The following NSMCE2 variants were observed in gnomAD, a reference collection of about 807,000 sequenced individuals.
The protein encoded by NSMCE2 is NSE2 SUMO ligase component of SMC5/6 complex.
A neutral mutation model predicts 23.8 loss-of-function variants in NSMCE2; 24 were observed. The observed-to-expected ratio is 1.01, with a 90% CI of 0.73 to 1.42. The LOEUF is 1.42. Ranked by LOEUF, NSMCE2 falls within the 40% of genes most tolerant of loss-of-function variation. NSMCE2 has a pLI of 0.00. For synonymous variants in NSMCE2, 92 were observed against 94.1 expected (o/e 0.98, Z 0.13); for missense variants, 284 against 296.5 (o/e 0.96, Z 0.31).
At chr8:125,262,381 G>A (rs543138452) in intron 5 of NSMCE2, among the ~76,000 whole-genome samples, 18 of 151,440 alleles carry the variant, frequency 1.2e-4, no homozygotes, top group African/African-American at 3.9e-4. Context: ...CAGAGATCGC[G>A]CCACTGCATT....
intron 5 of NSMCE2, among the ~76,000 whole-genome samples, chr8:125,301,215 G>A (rs1828549879): frequency 6.6e-6 from 1 of 152,168 alleles, no homozygotes; most frequent in South Asian, 2.1e-4. Context: ...GGTGGGAAAG[G>A]GGGCCTGAGG....
intron 4 of NSMCE2, among the ~76,000 whole-genome samples, chr8:125,160,326 T>A (rs1456561374): frequency 6.6e-6 from 1 of 152,160 alleles, no homozygotes; most frequent in Non-Finnish European, 1.5e-5. Flanking sequence ...CTGGACCAAA[T>A]TCAAATACTG....
chr8:125,184,999 A>G (rs1586580014), intron 5 of NSMCE2, among the ~76,000 whole-genome samples: 1 of 152,240 alleles, frequency 6.6e-6, no homozygotes, highest in African/African-American at 2.4e-5. Context: ...TTTATGGTCT[A>G]CATAGATCCA....
chr8:125,203,408 A>G (rs1277904748), intron 5 of NSMCE2, among the ~76,000 whole-genome samples: 1 of 152,214 alleles, frequency 6.6e-6, no homozygotes, highest in South Asian at 2.1e-4. Context: ...TTTTACTGAG[A>G]AATAAGCCAC....
In NSMCE2 at chr8:125,357,222, G is replaced by T. The variant is rs1281404174; in HGVS notation, c.422G>T (p.Gly141Val). 1 of 1,603,782 alleles carries T rather than the reference G, an allele frequency of 6.2e-7. No homozygotes were observed. The highest frequency in any genetic ancestry group is 8.5e-7 in the Non-Finnish European group (1 of 1,170,824). ...TCAACTCTCCATTTTCCTCTAGGTGGTCTTCAAGCTGACAGAGAAGCTGAC... is the reference window on the plus strand; with the variant it reads ...TCAACTCTCCATTTTCCTCTAGGTGTTCTTCAAGCTGACAGAGAAGCTGAC... ...QQLKELKKQC[G>V]LQADREADGT... Residue 141 changes from glycine (G) to valine (V), a missense_variant, in exon 6 of 8, where the codon GGT (glycine) becomes GTT (valine). Physicochemically the swap from Gly to Val is moderately radical, Grantham distance 109. Transcript: ENST00000287437.
chr8:125,102,594 T>C (rs1037302857), intron 3 of NSMCE2, 107 bp downstream of exon 3: 1 of 811,450 alleles, frequency 1.2e-6, no homozygotes, highest in South Asian at 1.6e-5. Context: ...ATTTAACCCC[T>C]CTAGGCATCT....
At chr8:125,126,841 A>G (rs1331506532) in intron 3 of NSMCE2, 2 of 152,154 alleles carry the variant, frequency 1.3e-5, no homozygotes, top group East Asian at 1.9e-4. Context: ...CCTTATTCTC[A>G]CTTTATTTAG....
intron 5 of NSMCE2, among the ~76,000 whole-genome samples, chr8:125,245,990 C>T (rs1459190270): frequency 2.0e-5 from 3 of 151,890 alleles, no homozygotes; most frequent in Admixed American, 6.6e-5. Context: ...CGCCACTGCA[C>T]TCCAGCCTGG....
Position 125,342,477 on chromosome 8 carries a change from T to TA in NSMCE2, c.419-14739dup, listed in dbSNP as rs1377252812. 4.6e-5 allele frequency among the ~76,000 whole-genome samples: 7 copies of TA among 151,678 alleles called. No homozygotes were observed. In the East Asian group the frequency reaches 1.4e-3, roughly 30 times the overall value. On this transcript the variant is annotated intron_variant, in intron 5 of 7. Transcript: ENST00000287437. The stretch of plus-strand genomic sequence containing the variant: ...CTTCCTTTGCATGTGGGGAGGATTT[T>TA]AAAGGGATGGAAAGTGGACAAGGAG...
At chr8:125,274,789 G>A (rs1263993585) in intron 5 of NSMCE2, among the ~76,000 whole-genome samples, 1 of 151,810 alleles carries the variant, frequency 6.6e-6, no homozygotes, top group African/African-American at 2.4e-5. Context: ...AATTAGCCAG[G>A]CATGGTGGCG....
intron 4 of NSMCE2, among the ~76,000 whole-genome samples, chr8:125,162,056 G>C (rs1455689496): frequency 6.6e-6 from 1 of 152,084 alleles, no homozygotes; most frequent in Non-Finnish European, 1.5e-5. Context: ...CCCCTATATG[G>C]AACAGAAGCC....
intron 3 of NSMCE2, among the ~76,000 whole-genome samples, chr8:125,122,061 T>C (rs962093649): frequency 6.6e-6 from 1 of 151,930 alleles, no homozygotes; most frequent in African/African-American, 2.4e-5. Flanking sequence ...ATAGCTCTTT[T>C]GCAGAGCTCT....
At chr8:125,221,467 C>T (rs890128315) in intron 5 of NSMCE2, among the ~76,000 whole-genome samples, 8 of 152,058 alleles carry the variant, frequency 5.3e-5, no homozygotes, top group African/African-American at 1.9e-4. Flanking sequence ...TGGTCTTGAA[C>T]TCCTGGGCTC....
chr8:125,103,022 C>T (rs1818272981), intron 3 of NSMCE2, among the ~76,000 whole-genome samples: 1 of 152,132 alleles, frequency 6.6e-6, no homozygotes, highest in Non-Finnish European at 1.5e-5. Context: ...AATCCTAGCA[C>T]TTTGGGAGGC....
At chr8:125,150,091 G>A (rs960169502) in intron 3 of NSMCE2, among the ~76,000 whole-genome samples, 1 of 152,022 alleles carries the variant, frequency 6.6e-6, no homozygotes, top group Admixed American at 6.5e-5. Flanking sequence ...AAATCCAGGA[G>A]GACTGCCTTA....
intron 5 of NSMCE2, among the ~76,000 whole-genome samples, chr8:125,228,153 T>C (rs1825178619): frequency 6.6e-6 from 1 of 152,176 alleles, no homozygotes; most frequent in Non-Finnish European, 1.5e-5. Flanking sequence ...TACTTTTATT[T>C]ATGAATTATA....
chr8:125,258,466 C>G (rs1826536438), intron 5 of NSMCE2, among the ~76,000 whole-genome samples: 1 of 152,094 alleles, frequency 6.6e-6, no homozygotes, highest in South Asian at 2.1e-4. Flanking sequence ...CCGCTCCCCC[C>G]ACCCCACTTT....
intron 5 of NSMCE2, among the ~76,000 whole-genome samples, chr8:125,219,181 TAGAC>T (rs1305893803): frequency 1.3e-5 from 2 of 152,304 alleles, no homozygotes; most frequent in African/African-American, 4.8e-5. Flanking sequence ...GGGAGGCAGA[TAGAC>T]AGAAAGAGAT....
chr8:125,329,350 G>C (rs922057523), intron 5 of NSMCE2, among the ~76,000 whole-genome samples: 5 of 152,208 alleles, frequency 3.3e-5, no homozygotes, highest in African/African-American at 1.2e-4. Context: ...TTGGCTGTGA[G>C]CAGGGCTCCT....
Sources: gnomAD v4.1 joint callset for allele counts (sites outside exome capture counted in the v4.1 genomes callset) on GRCh38, gnomAD v4.1.1 for gene constraint, MANE v1.5 for transcripts, NCBI Gene and HGNC (gene_info 2026-07-23, HGNC 2026-07-21) for gene names.